CREB1: variants seen among roughly 807,000 people sequenced by gnomAD.
The protein encoded by CREB1 is cyclic AMP-responsive element-binding protein 1.
A neutral mutation model predicts 42.0 loss-of-function variants in CREB1; 2 were observed. The observed-to-expected ratio is 0.05, with a 90% CI of 0.02 to 0.15. The LOEUF (loss-of-function observed/expected upper bound fraction) is 0.15, where lower values mean the gene tolerates loss of function less well. Among genes scored for constraint, CREB1 ranks in the 10% least tolerant of loss-of-function variants. The probability of loss-of-function intolerance (pLI) is 1.00; values close to 1 mark genes in which losing one functional copy is unlikely to be tolerated. For synonymous variants in CREB1, 123 were observed against 139.9 expected (o/e 0.88, Z 0.85); for missense variants, 199 against 388.9 (o/e 0.51, Z 4.11).
intron 1 of CREB1, among the ~76,000 whole-genome samples, chr2:207,555,379 C>T (rs559248332): frequency 6.6e-6 from 1 of 152,224 alleles, no homozygotes; most frequent in African/African-American, 2.4e-5. Context: ...GGTAATATCC[C>T]ATTGGGAAGA....
intron 7 of CREB1, among the ~76,000 whole-genome samples, chr2:207,589,089 A>T (rs1264457734): frequency 6.6e-6 from 1 of 152,042 alleles, no homozygotes; most frequent in African/African-American, 2.4e-5. Flanking sequence ...GGGGTGTATT[A>T]GTTTTCTATT....
At chr2:207,569,167 T>C (rs537641171) in intron 4 of CREB1, among the ~76,000 whole-genome samples, 2 of 152,280 alleles carry the variant, frequency 1.3e-5, no homozygotes, top group African/African-American at 4.8e-5. Context: ...TTTTTTTCCT[T>C]TTTATTTGTT....
Position 207,555,726 on chromosome 2 carries a change from C to A in CREB1, c.91C>A (p.Pro31Thr). The change falls in exon 2 of 8, where the codon CCA (proline) becomes ACA (threonine). Residue 31 changes from proline (P) to threonine (T), a missense_variant. Physicochemically the swap from Pro to Thr is conservative, Grantham distance 38. This residue lies in a region of CREB1 where 53 missense variants were observed against 57.1 expected (regional missense o/e 0.93). Transcript: ENST00000353267. The stretch of plus-strand genomic sequence containing the variant: ...CCAACAAATGACAGTTCAAGCCCAG[C>A]CACAGATTGCCACATTAGCCCAGGT... ...ENQQMTVQAQ[P>T]QIATLAQVSM... 6.2e-7 allele frequency: 1 copy of A among 1,611,974 alleles called. No individual in the cohort carries two copies.
At chr2:207,582,673 T>C (rs1399928831) in intron 7 of CREB1, among the ~76,000 whole-genome samples, 1 of 152,124 alleles carries the variant, frequency 6.6e-6, no homozygotes, top group Non-Finnish European at 1.5e-5. Context: ...GTTTTTCCAA[T>C]GATCTCTAGT....
At chr2:207,589,934 G>A (rs2084645294) in intron 7 of CREB1, among the ~76,000 whole-genome samples, 1 of 151,988 alleles carries the variant, frequency 6.6e-6, no homozygotes. Flanking sequence ...TGTTATTAGG[G>A]TAATGCTGAC....
At chr2:207,553,309 TCCACC>T (rs1325783377) in intron 1 of CREB1, among the ~76,000 whole-genome samples, 1 of 152,060 alleles carries the variant, frequency 6.6e-6, no homozygotes, top group Non-Finnish European at 1.5e-5. Flanking sequence ...CCTCAGGCGA[TCCACC>T]CGCTTTGGCC....
chr2:207,597,310 C>T lies in CREB1; in HGVS notation c.*252C>T. ...ATGAAGAGACTTCTGCTTTTCAACC[C>T]CCACCCTCCTCAAGAAGTAATAATT... On this transcript the variant is annotated 3_prime_UTR_variant, in exon 8 of 8. Coordinates refer to ENST00000353267, the MANE Select transcript of CREB1 (RefSeq NM_004379.5). The T allele has an allele frequency of 2.6e-6, 1 of 390,382 alleles. No individual in the cohort carries two copies. Among genetic ancestry groups the T allele is most frequent in the Non-Finnish European group, 4.5e-6 (1 of 221,420 alleles). 24.2% of individuals were successfully genotyped at this position (390,382 alleles called of 1,614,324 possible).
At chr2:207,582,934 T>A (rs533601150) in intron 7 of CREB1, 1 of 225,022 alleles carries the variant, frequency 4.4e-6, no homozygotes. Flanking sequence ...TATATATACA[T>A]ACACACACAC....
intron 1 of CREB1, among the ~76,000 whole-genome samples, chr2:207,537,494 G>A (rs1559262174): frequency 6.6e-6 from 1 of 152,188 alleles, no homozygotes; most frequent in Non-Finnish European, 1.5e-5. Flanking sequence ...TTGCCTCTTG[G>A]GGTGGAGGCA....
Position 207,597,039 on chromosome 2 carries a change from A to G in CREB1, c.965A>G (p.Tyr322Cys). The G allele has an allele frequency of 1.2e-6, 2 of 1,605,336 alleles. No individual in the cohort carries two copies. The highest frequency in any genetic ancestry group is 1.7e-6 in the Non-Finnish European group (2 of 1,177,576). ...GAGCTAAAAGCACTTAAGGACCTTT[A>G]CTGCCACAAATCAGATTAATTTGGG... ...IEELKALKDLYCHKSD is the reference protein window; with the variant it reads ...IEELKALKDLCCHKSD The change falls in exon 8 of 8, where the codon TAC becomes TGC. Residue 322 changes from tyrosine to cysteine, a missense_variant. Tyr to Cys is a radical substitution (Grantham distance 194). Coordinates refer to ENST00000353267, the MANE Select transcript of CREB1 (RefSeq NM_004379.5).
At chr2:207,561,737 T>C (rs2081966495) in intron 3 of CREB1, among the ~76,000 whole-genome samples, 1 of 152,222 alleles carries the variant, frequency 6.6e-6, no homozygotes, top group South Asian at 2.1e-4. Flanking sequence ...CTGTTATGTT[T>C]TCTTTACATA....
chr2:207,587,296 G>A (rs531039294), intron 7 of CREB1, among the ~76,000 whole-genome samples: 3 of 151,956 alleles, frequency 2.0e-5, no homozygotes, highest in Non-Finnish European at 4.4e-5. Flanking sequence ...GGGAGGCTGA[G>A]GCAGGAGAAT....
At chr2:207,545,966 C>G (rs2081288942) in intron 1 of CREB1, among the ~76,000 whole-genome samples, 1 of 152,120 alleles carries the variant, frequency 6.6e-6, no homozygotes, top group South Asian at 2.1e-4. Context: ...AACTCCCGAC[C>G]TCAGGTGATC....
chr2:207,541,257 GA>G (rs1462082350), intron 1 of CREB1, among the ~76,000 whole-genome samples: 5 of 152,016 alleles, frequency 3.3e-5, no homozygotes, highest in Non-Finnish European at 5.9e-5. Context: ...CAGTGCCTTT[GA>G]AGTCTACAAT....
intron 5 of CREB1, among the ~76,000 whole-genome samples, chr2:207,572,314 A>C (rs1448627391): frequency 4.6e-5 from 7 of 151,860 alleles, no homozygotes; most frequent in Non-Finnish European, 4.4e-5. Flanking sequence ...CTGTATATGT[A>C]CACATGGCTT....
intron 1 of CREB1, among the ~76,000 whole-genome samples, chr2:207,544,989 T>C (rs1362119217): frequency 1.3e-5 from 2 of 152,226 alleles, no homozygotes; most frequent in Non-Finnish European, 2.9e-5. Flanking sequence ...GTTGATTGCA[T>C]GTCTTCGCTA....
intron 1 of CREB1, among the ~76,000 whole-genome samples, chr2:207,539,386 TC>T (rs2081005734): frequency 6.6e-6 from 1 of 152,032 alleles, no homozygotes; most frequent in African/African-American, 2.4e-5. Context: ...ATAATAAGTA[TC>T]AGTAGTAGCT....
At chr2:207,577,864 A>AC (rs2082657001) in intron 7 of CREB1, 1 of 552,408 alleles carries the variant, frequency 1.8e-6, no homozygotes, top group African/African-American at 1.9e-5. Flanking sequence ...TTGATCGTGG[A>AC]GTAGTTTTCT....
At chr2:207,535,925 A>G (rs1442550733) in intron 1 of CREB1, among the ~76,000 whole-genome samples, 1 of 151,878 alleles carries the variant, frequency 6.6e-6, no homozygotes, top group African/African-American at 2.4e-5. Flanking sequence ...GGCTCAAGCC[A>G]TCCTCCCATT....
Sources: gnomAD v4.1 joint callset for allele counts (sites outside exome capture counted in the v4.1 genomes callset) on GRCh38, gnomAD v4.1.1 for gene constraint, gnomAD v4.1.1 regional missense constraint, MANE v1.5 for transcripts, NCBI Gene and HGNC (gene_info 2026-07-23, HGNC 2026-07-21) for gene names.